The following ROBO1 variants were observed in gnomAD, a reference collection of about 807,000 sequenced individuals.
The protein encoded by ROBO1 is roundabout homolog 1.
Under a neutral mutation model 195.9 loss-of-function variants are expected in ROBO1, and 149 were observed. The observed-to-expected ratio is 0.76, with a 90% CI of 0.67 to 0.87. ROBO1 has a LOEUF of 0.87. Among genes scored for constraint, ROBO1 ranks in the 40% least tolerant of loss-of-function variants. The pLI is 0.00. For missense variants in ROBO1, 1,933 were observed against 2,068.3 expected, an observed-to-expected ratio of 0.93 and a Z score of 1.27; for synonymous variants, 816 against 733.2, an observed-to-expected ratio of 1.11 and a Z score of -1.82.
chr3:78,923,818 A>G (rs1218966071), intron 4 of ROBO1, among the ~76,000 whole-genome samples: 1 of 152,140 alleles, frequency 6.6e-6, no homozygotes, highest in East Asian at 1.9e-4. Flanking sequence ...AGTTCCTCTG[A>G]GAAGGCGAAG....
intron 1 of ROBO1, among the ~76,000 whole-genome samples, chr3:79,663,364 A>C (rs2106844628): frequency 6.6e-6 from 1 of 152,230 alleles, no homozygotes; most frequent in South Asian, 2.1e-4. Context: ...GCAATTCTTT[A>C]TTAATATCAA....
At chr3:78,785,538 T>G (rs964594034) in intron 4 of ROBO1, among the ~76,000 whole-genome samples, 6 of 152,188 alleles carry the variant, frequency 3.9e-5, no homozygotes, top group African/African-American at 1.4e-4. Flanking sequence ...CATACATACC[T>G]GTCTTGTATA....
At chr3:78,696,635 CATAT>C (rs112581315) in intron 8 of ROBO1, among the ~76,000 whole-genome samples, 2,205 of 144,650 alleles carry the variant, frequency 0.015, 21 homozygotes, top group Non-Finnish European at 0.018. Context: ...TTACTACATG[CATAT>C]ATATATATAT....
chr3:78,624,266 T>C (rs201536014), intron 26 of ROBO1, among the ~76,000 whole-genome samples: 15 of 152,298 alleles, frequency 9.8e-5, no homozygotes, highest in East Asian at 9.7e-4. Context: ...GGGACTTTTA[T>C]ATTTTCATTT....
chr3:79,640,936 G>T (rs1945640944), intron 1 of ROBO1, among the ~76,000 whole-genome samples: 2 of 152,088 alleles, frequency 1.3e-5, no homozygotes, highest in South Asian at 4.1e-4. Flanking sequence ...AAATTGGATT[G>T]CTCTTCCTTC....
Position 79,428,312 on chromosome 3 carries a change from T to C in ROBO1, c.88+161512A>G, listed in dbSNP as rs963403426. On this transcript the variant is annotated intron_variant, in intron 2 of 30. Coordinates refer to ENST00000464233, the MANE Select transcript of ROBO1 (RefSeq NM_002941.4). ...TAAAAAGAAATATTAATAAAATGTA[T>C]AAAAATAAATAAAATGGAGATTCTA... Among the ~76,000 whole-genome samples, 6 of 149,680 alleles carry C rather than the reference T, an allele frequency of 4.0e-5. No individual in the cohort carries two copies. In the East Asian group the frequency reaches 7.7e-4, roughly 19 times the overall value.
intron 2 of ROBO1, among the ~76,000 whole-genome samples, chr3:79,399,714 GA>G (rs1375846754): frequency 2.6e-5 from 4 of 152,068 alleles, no homozygotes; most frequent in Admixed American, 2.0e-4. Flanking sequence ...TTAATAGGAA[GA>G]AAAAACCTGA....
chr3:79,653,886 T>C (rs574569235), intron 1 of ROBO1, among the ~76,000 whole-genome samples: 64 of 152,118 alleles, frequency 4.2e-4, no homozygotes, highest in Admixed American at 1.8e-3. Context: ...AGTTTACAAA[T>C]TATAACTGAA....
intron 2 of ROBO1, among the ~76,000 whole-genome samples, chr3:79,493,044 A>G (rs1381388425): frequency 6.6e-6 from 1 of 152,084 alleles, no homozygotes; most frequent in Non-Finnish European, 1.5e-5. Flanking sequence ...AATAAGAAGC[A>G]AAAATACAAA....
At chr3:79,266,651 T>G (rs969482319) in intron 2 of ROBO1, among the ~76,000 whole-genome samples, 1 of 151,620 alleles carries the variant, frequency 6.6e-6, no homozygotes, top group Non-Finnish European at 1.5e-5. Flanking sequence ...TGTTACCTGA[T>G]AGAAAATAAA....
intron 3 of ROBO1, among the ~76,000 whole-genome samples, chr3:78,976,261 G>A (rs992800763): frequency 2.6e-5 from 4 of 152,206 alleles, no homozygotes; most frequent in African/African-American, 9.6e-5. Context: ...CTGAGACTCA[G>A]GGTCATCCTG....
chr3:79,246,858 CT>C (rs1275993203), intron 2 of ROBO1, among the ~76,000 whole-genome samples: 1 of 151,946 alleles, frequency 6.6e-6, no homozygotes, highest in African/African-American at 2.4e-5. Flanking sequence ...TAAATTAAAG[CT>C]AAATATAAAT....
chr3:79,153,448 G>C (rs1306467038), intron 2 of ROBO1, among the ~76,000 whole-genome samples: 4 of 151,618 alleles, frequency 2.6e-5, no homozygotes, highest in Non-Finnish European at 5.9e-5. Context: ...ACTTCACAGA[G>C]AGGTTAACAT....
chr3:78,803,937 T>C (rs535483304), intron 4 of ROBO1, among the ~76,000 whole-genome samples: 1 of 152,320 alleles, frequency 6.6e-6, no homozygotes, highest in East Asian at 1.9e-4. Flanking sequence ...TGACACTGTG[T>C]ACTGTAAGGT....
rs1286670445 is a variant in ROBO1 at position 78,893,068 on chromosome 3, A to G, written c.499+45533T>C. Reference sequence around the variant, plus strand: ...ATTGCCATCACACTGTGGTAAGCACAGCGTACTAGGAGATTTGTTCTTGAC... The same window carrying G: ...ATTGCCATCACACTGTGGTAAGCACGGCGTACTAGGAGATTTGTTCTTGAC... On this transcript the variant is annotated intron_variant, in intron 4 of 30. Coordinates refer to ENST00000464233, the MANE Select transcript of ROBO1 (RefSeq NM_002941.4). Among the ~76,000 whole-genome samples the G allele has an allele frequency of 2.6e-5, 4 of 152,182 alleles. No individual in the cohort carries two copies. In the South Asian group the frequency reaches 8.3e-4, roughly 31 times the overall value.
intron 3 of ROBO1, among the ~76,000 whole-genome samples, chr3:79,113,110 T>C (rs2079920077): frequency 6.6e-6 from 1 of 152,092 alleles, no homozygotes; most frequent in Admixed American, 6.6e-5. Context: ...AAATATCAAA[T>C]TTATGTGCTT....
rs114018408 is a variant in ROBO1 at position 79,226,278 on chromosome 3, C to T, written c.89-100739G>A. Reference sequence around the variant, plus strand: ...TTTAGCTTGCTCAGAAACAGCCACACGGGACTGAGAAATGTCACACAACAA... The same window carrying T: ...TTTAGCTTGCTCAGAAACAGCCACATGGGACTGAGAAATGTCACACAACAA... On this transcript the variant is annotated intron_variant, in intron 2 of 30. Transcript: ENST00000464233. Among the ~76,000 whole-genome samples the T allele has an allele frequency of 5.2e-3, 795 of 152,148 alleles. 9 individuals are homozygous for T. The highest frequency in any genetic ancestry group is 0.018 in the African/African-American group (756 of 41,508).
rs75780073 is a variant in ROBO1, at chr3:78,598,695, C to A, written c.*218G>T. On this transcript the variant is annotated 3_prime_UTR_variant, in exon 31 of 31. Transcript: ENST00000464233. The stretch of plus-strand genomic sequence containing the variant: ...AAGGTATAATGGTTTGCTCCAACAG[C>A]GAGGGGAATAGGAAGGCTCTTTGTA... 2 of 383,512 alleles carry A rather than the reference C, an allele frequency of 5.2e-6. No individual in the cohort carries two copies. Among genetic ancestry groups the A allele is most frequent in the Non-Finnish European group, 9.3e-6 (2 of 214,750 alleles). 23.8% of individuals were successfully genotyped at this position (383,512 alleles called of 1,614,324 possible). A position where few individuals can be genotyped will look rare whatever the true frequency, so the allele number is the denominator to read the frequency against.
At chr3:79,536,175 T>A in intron 2 of ROBO1, among the ~76,000 whole-genome samples, 1 of 152,134 alleles carries the variant, frequency 6.6e-6, no homozygotes, top group Non-Finnish European at 1.5e-5. Flanking sequence ...TTTCAGACTA[T>A]ATATATACAT....
Sources: gnomAD v4.1 joint callset for allele counts (sites outside exome capture counted in the v4.1 genomes callset) on GRCh38, gnomAD v4.1.1 for gene constraint, MANE v1.5 for transcripts, NCBI Gene and HGNC (gene_info 2026-07-23, HGNC 2026-07-21) for gene names.